The following TRDMT1 variants were observed in gnomAD, a reference collection of about 807,000 sequenced individuals.
TRDMT1 encodes tRNA aspartic acid methyltransferase 1.
Under a neutral mutation model 51.2 loss-of-function variants are expected in TRDMT1, and 49 were observed. That is an observed-to-expected ratio of 0.96 (90% CI 0.76 to 1.21). The LOEUF (loss-of-function observed/expected upper bound fraction) is 1.21. Ranked by LOEUF, TRDMT1 falls within the 50% of genes most tolerant of loss-of-function variation. The pLI is 0.00. For synonymous variants in TRDMT1, 187 were observed against 164.6 expected (o/e 1.14, Z -1.04); for missense variants, 534 against 462.3 (o/e 1.16, Z -1.42).
At chr10:17,183,792 C>G (rs545981459) in intron 1 of TRDMT1, among the ~76,000 whole-genome samples, 20 of 152,132 alleles carry the variant, frequency 1.3e-4, no homozygotes, top group Non-Finnish European at 2.5e-4. Flanking sequence ...GAATTCAATG[C>G]TGCTCTTGGT....
chr10:17,155,418 T>G (rs1474362215), intron 8 of TRDMT1, among the ~76,000 whole-genome samples: 11 of 152,210 alleles, frequency 7.2e-5, no homozygotes, highest in Admixed American at 7.2e-4. Context: ...AACCTAAATG[T>G]TGTACAGGTG....
chr10:17,169,614 C>T, intron 2 of TRDMT1: 1 of 944,190 alleles, frequency 1.1e-6, no homozygotes, highest in South Asian at 1.4e-5. Context: ...TCTCAGTGCA[C>T]ATCTTTAGCT....
intron 1 of TRDMT1, among the ~76,000 whole-genome samples, chr10:17,177,286 T>A (rs147264681): frequency 3.0e-4 from 45 of 151,998 alleles, no homozygotes; most frequent in Non-Finnish European, 7.4e-5. Context: ...AACCTCCACC[T>A]CTCAGGTTCA....
chr10:17,199,896 A>G (rs571673867), intron 1 of TRDMT1, among the ~76,000 whole-genome samples: 3 of 152,326 alleles, frequency 2.0e-5, no homozygotes, highest in South Asian at 4.1e-4. Context: ...AGGAGAGAAA[A>G]TATTTTACTC....
chr10:17,197,362 A>G (rs560310222), intron 1 of TRDMT1, among the ~76,000 whole-genome samples: 1 of 152,362 alleles, frequency 6.6e-6, no homozygotes, highest in East Asian at 1.9e-4. Context: ...CCATGTAAAT[A>G]CATGGGAAAA....
At position 17,157,666 on chromosome 10, in the gene TRDMT1, T is replaced by C; in HGVS notation, c.662A>G (p.Gln221Arg). The change falls in exon 8 of 11, where the codon CAG (glutamine) becomes CGG (arginine). Residue 221 changes from glutamine (Q) to arginine (R), a missense_variant. Gln to Arg is a conservative substitution (Grantham distance 43, BLOSUM62 1). Coordinates refer to ENST00000377799, the MANE Select transcript of TRDMT1 (RefSeq NM_004412.7). Reference protein sequence around the residue: ...EPNISFDGSIQCSGKDAILFK... With the variant: ...EPNISFDGSIRCSGKDAILFK... ...AAGAATGGCATCTTTTCCAGAACAC[T>C]GTATGCTGCCATCAAAGCTAATATT... The C allele has an allele frequency of 6.2e-7, 1 of 1,613,516 alleles. No homozygotes were observed. The highest frequency in any genetic ancestry group is 2.2e-5 in the East Asian group (1 of 44,840).
chr10:17,152,229 G>T, intron 10 of TRDMT1: 1 of 540,810 alleles, frequency 1.8e-6, no homozygotes, highest in Non-Finnish European at 2.7e-6. Flanking sequence ...TACAAGGAAA[G>T]TTTGTGTTTT....
chr10:17,153,561 G>C lies in TRDMT1; in HGVS notation c.1021C>G (p.Arg341Gly). ...GCTATTTCTTTAGGAGTGAAATATCGCAGTTTAAGTATTAACAGCTTTGTT... is the reference window on the plus strand; with the variant it reads ...GCTATTTCTTTAGGAGTGAAATATCCCAGTTTAAGTATTAACAGCTTTGTT... ...QITKLLILKL[R>G]YFTPKEIANL... The change falls in exon 10 of 11, where the codon CGA becomes GGA. Residue 341 changes from arginine to glycine, a missense_variant. Transcript: ENST00000377799. The C allele has an allele frequency of 6.2e-7, 1 of 1,613,556 alleles. No homozygotes were observed. The highest frequency in any genetic ancestry group is 8.5e-7 in the Non-Finnish European group (1 of 1,179,740).
In TRDMT1 at chr10:17,143,766, G is replaced by A. The variant is rs1408435016; in HGVS notation, c.*5274C>T. The A allele has an allele frequency of 3.0e-6, 3 of 985,260 alleles. No homozygotes were observed. Among genetic ancestry groups the A allele is most frequent in the South Asian group, 4.7e-5 (1 of 21,286 alleles). 61.0% of individuals were successfully genotyped at this position (985,260 alleles called of 1,614,324 possible). On this transcript the variant is annotated 3_prime_UTR_variant, in exon 11 of 11. Transcript: ENST00000377799. ...GCCATTTTAACAGAAGCTGACCAATGGAATGCAGAGTGAGAAGGAAGGTGA... is the reference window on the plus strand; with the variant it reads ...GCCATTTTAACAGAAGCTGACCAATAGAATGCAGAGTGAGAAGGAAGGTGA...
chr10:17,159,714 G>A (rs887342644), intron 6 of TRDMT1, among the ~76,000 whole-genome samples: 7 of 151,980 alleles, frequency 4.6e-5, no homozygotes, highest in Non-Finnish European at 7.4e-5. Flanking sequence ...TTTTGAAATG[G>A]GTTTTCTATT....
At chr10:17,150,483 T>C (rs777943760) in intron 10 of TRDMT1, 20 of 985,414 alleles carry the variant, frequency 2.0e-5, no homozygotes, top group Non-Finnish European at 2.3e-5. Flanking sequence ...ATGGATCCCT[T>C]ATATGCTGGA....
At position 17,146,392 on chromosome 10, in the gene TRDMT1, C is replaced by T; in HGVS notation, c.*2648G>A. 1 of 985,398 alleles carries T rather than the reference C, an allele frequency of 1.0e-6. No homozygotes were observed. The highest frequency in any genetic ancestry group is 1.2e-6 in the Non-Finnish European group (1 of 829,924). 61.0% of individuals were successfully genotyped at this position (985,398 alleles called of 1,614,324 possible). A position where few individuals can be genotyped will look rare whatever the true frequency, so the allele number is the denominator to read the frequency against. On this transcript the variant is annotated 3_prime_UTR_variant, in exon 11 of 11. Coordinates refer to ENST00000377799, the MANE Select transcript of TRDMT1 (RefSeq NM_004412.7). ...CCTCTGTGAAGGTGATGCCATCATT[C>T]CTCTTTCTTGCCTGCCACTGAGGAT...
intron 1 of TRDMT1, among the ~76,000 whole-genome samples, chr10:17,199,144 T>C (rs567851345): frequency 1.3e-5 from 2 of 152,346 alleles, no homozygotes; most frequent in South Asian, 4.1e-4. Context: ...TGCATTTTAT[T>C]ACAGGTAAAT....
chr10:17,148,896 T>A lies in TRDMT1; in HGVS notation c.*144A>T. The A allele has an allele frequency of 7.8e-7, 1 of 1,278,824 alleles. No individual in the cohort carries two copies. 79.2% of individuals were successfully genotyped at this position (1,278,824 alleles called of 1,614,324 possible). A position where few individuals can be genotyped will look rare whatever the true frequency, so the allele number is the denominator to read the frequency against. On this transcript the variant is annotated 3_prime_UTR_variant, in exon 11 of 11. Transcript: ENST00000377799. Reference sequence around the variant, plus strand: ...AAATTTGATGAAACACATGGATTTTTTTAATAAAATCCAAATTTCTTAATA... The same window carrying A: ...AAATTTGATGAAACACATGGATTTTATTAATAAAATCCAAATTTCTTAATA...
At position 17,168,927 on chromosome 10, in the gene TRDMT1, GA is replaced by G; in HGVS notation, c.175-11del. On this transcript the variant is annotated splice_polypyrimidine_tract_variant and intron_variant, in intron 2 of 10. Coordinates refer to ENST00000377799, the MANE Select transcript of TRDMT1 (RefSeq NM_004412.7). ...CTTCGAGTGTAATGCCCTGAGGAAT[GA>G]ACATTTAGGGGGAAAAAAGAACATA... The G allele has an allele frequency of 6.3e-7, 1 of 1,582,920 alleles. No individual in the cohort carries two copies. The highest frequency in any genetic ancestry group is 1.3e-5 in the African/African-American group (1 of 74,110).
rs1164371958 is a variant in TRDMT1, at chr10:17,146,825, C to T, written c.*2215G>A. 2 of 985,178 alleles carry T rather than the reference C, an allele frequency of 2.0e-6. No homozygotes were observed. Among genetic ancestry groups the T allele is most frequent in the Non-Finnish European group, 2.4e-6 (2 of 829,874 alleles). The allele number at this position is 985,178 out of a possible 1,614,324, so 61.0% of individuals were successfully genotyped here. A position where few individuals can be genotyped will look rare whatever the true frequency, so the allele number is the denominator to read the frequency against. ...AGACATTCCATAAAATAACATTTTC[C>T]AAATTAATTATGCATACATATACAT... is the stretch of plus-strand genomic sequence containing the variant. On this transcript the variant is annotated 3_prime_UTR_variant, in exon 11 of 11. Transcript: ENST00000377799.
intron 10 of TRDMT1, 65 bp from the exon 11 acceptor site, chr10:17,149,205 G>T: frequency 8.2e-7 from 1 of 1,225,822 alleles, no homozygotes; most frequent in Non-Finnish European, 1.2e-6. Flanking sequence ...ATGAAAGGAT[G>T]TATCCTTTAG....
At chr10:17,185,545 T>C (rs543561194) in intron 1 of TRDMT1, among the ~76,000 whole-genome samples, 1 of 152,258 alleles carries the variant, frequency 6.6e-6, no homozygotes, top group Non-Finnish European at 1.5e-5. Flanking sequence ...AGAAATACCA[T>C]CCCATTACTG....
intron 3 of TRDMT1, 149 bp from the exon 4 acceptor site, chr10:17,162,386 G>T: frequency 2.9e-6 from 2 of 695,816 alleles, no homozygotes; most frequent in Non-Finnish European, 4.7e-6. Flanking sequence ...TGTTGTTACA[G>T]AGAAGAAAAT....
Sources: gnomAD v4.1 joint callset for allele counts (sites outside exome capture counted in the v4.1 genomes callset) on GRCh38, gnomAD v4.1.1 for gene constraint, MANE v1.5 for transcripts, NCBI Gene and HGNC (gene_info 2026-07-23, HGNC 2026-07-21) for gene names.